GRID1: variants seen among roughly 807,000 people sequenced by gnomAD.
The protein encoded by GRID1 is glutamate ionotropic receptor delta type subunit 1, also known as glutamate receptor ionotropic, delta-1.
Under a neutral mutation model 98.0 loss-of-function variants are expected in GRID1, and 28 were observed. The ratio of observed to expected loss-of-function variants is 0.29; its 90% CI spans 0.21 to 0.39. The LOEUF is 0.39. Ranked by LOEUF, GRID1 falls within the 10% of genes least tolerant of loss-of-function variation. The pLI is 1.00. For synonymous variants in GRID1, 553 were observed against 538.5 expected (o/e 1.03, Z -0.37); for missense variants, 1,111 against 1,340.5 (o/e 0.83, Z 2.67).
intron 3 of GRID1, among the ~76,000 whole-genome samples, chr10:86,159,919 T>G (rs2131985627): frequency 1.3e-5 from 2 of 152,240 alleles, no homozygotes; most frequent in South Asian, 4.2e-4. Flanking sequence ...AGAGCTGAAC[T>G]AGCTCTATCA....
chr10:85,639,148 C>T (rs1380153164), intron 13 of GRID1, among the ~76,000 whole-genome samples: 2 of 151,864 alleles, frequency 1.3e-5, no homozygotes, highest in Non-Finnish European at 2.9e-5. Context: ...TTATGGTAGC[C>T]CTGAATTGGC....
chr10:86,120,079 G>A (rs1350201269), intron 4 of GRID1, among the ~76,000 whole-genome samples: 2 of 152,118 alleles, frequency 1.3e-5, no homozygotes, highest in East Asian at 1.9e-4. Flanking sequence ...GATTACAGGT[G>A]TAAGCCACTG....
chr10:85,844,720 A>G (rs1322265721), intron 8 of GRID1, among the ~76,000 whole-genome samples: 2 of 152,126 alleles, frequency 1.3e-5, no homozygotes, highest in African/African-American at 4.8e-5. Context: ...CAAATATTGG[A>G]ATATACTATA....
At chr10:86,348,665 C>T (rs867499662) in intron 2 of GRID1, among the ~76,000 whole-genome samples, 2 of 152,218 alleles carry the variant, frequency 1.3e-5, no homozygotes, top group African/African-American at 4.8e-5. Flanking sequence ...CATCCACGCA[C>T]GTAGCACGTC....
chr10:86,256,043 C>A (rs1846912696), intron 2 of GRID1, among the ~76,000 whole-genome samples: 1 of 152,194 alleles, frequency 6.6e-6, no homozygotes, highest in South Asian at 2.1e-4. Context: ...AAACAGAAAT[C>A]TTCCAGCTCA....
intron 13 of GRID1, among the ~76,000 whole-genome samples, chr10:85,621,449 G>T (rs1358392450): frequency 6.6e-6 from 1 of 152,108 alleles, no homozygotes; most frequent in Non-Finnish European, 1.5e-5. Flanking sequence ...AGTTAGTCAA[G>T]ATTTTATTTC....
chr10:86,128,853 G>C (rs1262524360), intron 4 of GRID1, among the ~76,000 whole-genome samples: 1 of 152,148 alleles, frequency 6.6e-6, no homozygotes, highest in Non-Finnish European at 1.5e-5. Flanking sequence ...GGCATGTTCT[G>C]GGTACCCATA....
At chr10:86,074,568 G>A (rs1179743391) in intron 4 of GRID1, among the ~76,000 whole-genome samples, 2 of 152,168 alleles carry the variant, frequency 1.3e-5, no homozygotes, top group Non-Finnish European at 2.9e-5. Flanking sequence ...AGTCCACTGA[G>A]TATACCACAT....
intron 2 of GRID1, among the ~76,000 whole-genome samples, chr10:86,309,168 T>G (rs909492231): frequency 6.6e-6 from 1 of 152,102 alleles, no homozygotes; most frequent in African/African-American, 2.4e-5. Flanking sequence ...CTAGGAAGCT[T>G]CAGAGCATTA....
chr10:85,894,722 A>T (rs1362726028), intron 5 of GRID1, among the ~76,000 whole-genome samples: 1 of 152,016 alleles, frequency 6.6e-6, no homozygotes, highest in Non-Finnish European at 1.5e-5. Flanking sequence ...ACAAAACAGA[A>T]CTTGGCCGGG....
chr10:86,362,579 T>C (rs1337913149), intron 2 of GRID1, among the ~76,000 whole-genome samples: 2 of 152,254 alleles, frequency 1.3e-5, no homozygotes, highest in East Asian at 3.9e-4. Context: ...AAGAAATCCT[T>C]GGACCTTCAG....
chr10:85,804,855 A>C (rs1020218843), intron 8 of GRID1, among the ~76,000 whole-genome samples: 1 of 151,858 alleles, frequency 6.6e-6, no homozygotes, highest in Non-Finnish European at 1.5e-5. Context: ...CATGCTTAAT[A>C]ATAAAACCTG....
chr10:85,788,316 G>A lies in GRID1; in HGVS notation c.1234-58702C>T, dbSNP rs559164936. ...GGCCAGAAGAGGCTCACGGTTGTCC[G>A]CAGTCCATGCTCCCAAAGCACACTT... On this transcript the variant is annotated intron_variant, in intron 8 of 15. Coordinates refer to ENST00000327946, the MANE Select transcript of GRID1 (RefSeq NM_017551.3). Among the ~76,000 whole-genome samples the A allele has an allele frequency of 1.5e-3, 222 of 152,198 alleles. 2 individuals are homozygous for A. The highest frequency in any genetic ancestry group is 1.3e-3 in the Non-Finnish European group (87 of 68,014).
At chr10:86,099,336 C>T (rs1844262401) in intron 4 of GRID1, among the ~76,000 whole-genome samples, 1 of 152,188 alleles carries the variant, frequency 6.6e-6, no homozygotes, top group African/African-American at 2.4e-5. Context: ...CATGCAGATG[C>T]TGTTGGGGCC....
intron 2 of GRID1, among the ~76,000 whole-genome samples, chr10:86,354,858 C>T (rs1434138335): frequency 1.3e-5 from 2 of 152,218 alleles, no homozygotes; most frequent in African/African-American, 4.8e-5. Flanking sequence ...TGGCTCCGAG[C>T]AGCCTCCATA....
chr10:86,086,613 C>T (rs901789649), intron 4 of GRID1, among the ~76,000 whole-genome samples: 30 of 152,106 alleles, frequency 2.0e-4, no homozygotes, highest in African/African-American at 3.9e-4. Context: ...TGCCTGTGTG[C>T]GCAAGTGTGT....
chr10:85,705,876 A>G (rs1841510590), intron 12 of GRID1, among the ~76,000 whole-genome samples: 1 of 152,242 alleles, frequency 6.6e-6, no homozygotes, highest in Admixed American at 6.5e-5. Context: ...GATTATCCCA[A>G]TAGATGCAGA....
At chr10:85,824,316 A>G (rs1052334760) in intron 8 of GRID1, among the ~76,000 whole-genome samples, 1 of 152,004 alleles carries the variant, frequency 6.6e-6, no homozygotes, top group Non-Finnish European at 1.5e-5. Flanking sequence ...GGTTCAAGTG[A>G]TTCTCTTGCC....
chr10:85,734,797 C>T (rs188411132), intron 8 of GRID1, among the ~76,000 whole-genome samples: 1 of 152,314 alleles, frequency 6.6e-6, no homozygotes, highest in African/African-American at 2.4e-5. Flanking sequence ...TCAAGGCCAT[C>T]CGTCTGCAAT....
Sources: gnomAD v4.1 joint callset for allele counts (sites outside exome capture counted in the v4.1 genomes callset) on GRCh38, gnomAD v4.1.1 for gene constraint, MANE v1.5 for transcripts, NCBI Gene and HGNC (gene_info 2026-07-23, HGNC 2026-07-21) for gene names.